The following SCGB2B2 variants were observed in gnomAD, a reference collection of about 807,000 sequenced individuals.
SCGB2B2 encodes the protein secretoglobin-like protein.
A neutral mutation model predicts 7.6 loss-of-function variants in SCGB2B2; 11 were observed. The observed-to-expected ratio is 1.45, with a 90% confidence interval of 0.91 to 2.40. The LOEUF is 2.40. Among genes scored for constraint, SCGB2B2 ranks in the 30% most tolerant of loss-of-function variants. The pLI, the probability that SCGB2B2 is intolerant of heterozygous loss-of-function variation, is 0.00. For missense variants in SCGB2B2, 104 were observed against 115.4 expected (o/e 0.90, Z 0.45); for synonymous variants, 50 against 48.6 (o/e 1.03, Z -0.12).
At chr19:34,657,567 T>C (rs11665997) in intron 1 of SCGB2B2, among the ~76,000 whole-genome samples, 45,575 of 152,020 alleles carry the variant, frequency 0.3, 7,577 homozygotes, top group Non-Finnish European at 0.37. Flanking sequence ...TAAATATATA[T>C]GCACCCAATG....
At chr19:34,654,903 G>A (rs369898883) in intron 1 of SCGB2B2, among the ~76,000 whole-genome samples, 5 of 151,100 alleles carry the variant, frequency 3.3e-5, no homozygotes, top group South Asian at 2.1e-4. Context: ...GCAATGCCAC[G>A]GTCTCCCTGA....
At chr19:34,645,137 G>A (rs1476482288) in intron 1 of SCGB2B2, among the ~76,000 whole-genome samples, 1 of 152,106 alleles carries the variant, frequency 6.6e-6, no homozygotes, top group African/African-American at 2.4e-5. Flanking sequence ...AAATATCTTC[G>A]TGAAGGGACA....
chr19:34,620,012 T>TA (rs968597506), intron 1 of SCGB2B2, among the ~76,000 whole-genome samples: 11 of 151,412 alleles, frequency 7.3e-5, no homozygotes, highest in East Asian at 5.8e-4. Context: ...TATTCTTTTT[T>TA]AAAAAAAAAT....
chr19:34,663,543 C>T (rs932621892), intron 1 of SCGB2B2, among the ~76,000 whole-genome samples: 1 of 152,214 alleles, frequency 6.6e-6, no homozygotes, highest in African/African-American at 2.4e-5. Flanking sequence ...AAACCATCCA[C>T]TAAAATAACA....
intron 1 of SCGB2B2, among the ~76,000 whole-genome samples, chr19:34,668,981 A>T (rs1457752636): frequency 6.6e-6 from 1 of 152,060 alleles, no homozygotes; most frequent in Non-Finnish European, 1.5e-5. Context: ...ACACTGTGGA[A>T]GCTTTGTTCT....
intron 1 of SCGB2B2, among the ~76,000 whole-genome samples, chr19:34,615,978 G>A (rs1416469668): frequency 6.6e-6 from 1 of 151,668 alleles, no homozygotes; most frequent in Non-Finnish European, 1.5e-5. Flanking sequence ...TGAGAATGAT[G>A]ATTTCCAATT....
rs1043941745 is a variant in SCGB2B2, at chr19:34,676,643, G to A, written c.-3045C>T. The A allele has an allele frequency of 1.3e-5, 2 of 152,168 alleles. No individual in the cohort carries two copies. Among genetic ancestry groups the A allele is most frequent in the African/African-American group, 4.8e-5 (2 of 41,422 alleles). The allele number at this position is 152,168 out of a possible 1,614,324, so 9.4% of individuals were successfully genotyped here. A position where few individuals can be genotyped will look rare whatever the true frequency, so the allele number is the denominator to read the frequency against. On this transcript the variant is annotated 5_prime_UTR_variant, in exon 1 of 4. Transcript: ENST00000601241. ...GGATTTTTTCTTGCGTGAGCTCTAAGAACTCTCTCTTGGGGTCGGATCCGG... is the reference window on the plus strand; with the variant it reads ...GGATTTTTTCTTGCGTGAGCTCTAAAAACTCTCTCTTGGGGTCGGATCCGG...
chr19:34,599,025 C>T (rs987970507), intron 1 of SCGB2B2, among the ~76,000 whole-genome samples: 1 of 152,260 alleles, frequency 6.6e-6, no homozygotes, highest in South Asian at 2.1e-4. Context: ...GAATGGCCTG[C>T]CCCCAAATCC....
At chr19:34,640,258 C>A (rs1164227426) in intron 1 of SCGB2B2, among the ~76,000 whole-genome samples, 1 of 152,052 alleles carries the variant, frequency 6.6e-6, no homozygotes, top group Non-Finnish European at 1.5e-5. Context: ...TGCACCAGAC[C>A]TGGCTAATTT....
At chr19:34,604,253 G>T (rs1374915245) in intron 1 of SCGB2B2, among the ~76,000 whole-genome samples, 1 of 152,178 alleles carries the variant, frequency 6.6e-6, no homozygotes, top group Admixed American at 6.5e-5. Flanking sequence ...TGGACAATGG[G>T]ATGTTAGCAG....
intron 1 of SCGB2B2, among the ~76,000 whole-genome samples, chr19:34,628,741 G>C (rs1398132905): frequency 1.3e-5 from 2 of 151,970 alleles, no homozygotes; most frequent in Middle Eastern, 3.2e-3. Flanking sequence ...AATAGAAAAA[G>C]AGGGAATCCT....
chr19:34,611,294 G>GT (rs1293184733), intron 1 of SCGB2B2, among the ~76,000 whole-genome samples: 1 of 151,820 alleles, frequency 6.6e-6, no homozygotes, highest in Non-Finnish European at 1.5e-5. Context: ...TTGATCTCCT[G>GT]TTTTTTAGTC....
chr19:34,654,322 C>T (rs1005944360), intron 1 of SCGB2B2, among the ~76,000 whole-genome samples: 7 of 150,980 alleles, frequency 4.6e-5, no homozygotes, highest in South Asian at 2.1e-4. Flanking sequence ...AGCTCAACTT[C>T]CCCAAAACTC....
At chr19:34,598,254 A>G (rs1444998997) in intron 1 of SCGB2B2, among the ~76,000 whole-genome samples, 1 of 152,114 alleles carries the variant, frequency 6.6e-6, no homozygotes, top group Non-Finnish European at 1.5e-5. Flanking sequence ...GGCACAGCAG[A>G]GCAGTGTGCG....
chr19:34,670,048 A>G (rs143788745), intron 1 of SCGB2B2, among the ~76,000 whole-genome samples: 2,484 of 152,192 alleles, frequency 0.016, 41 homozygotes, highest in South Asian at 0.084. Flanking sequence ...GTACCTGGTC[A>G]TGGGGTGCTT....
At chr19:34,586,705 G>A (rs1290831193), downstream of SCGB2B2, among the ~76,000 whole-genome samples, 1 of 152,050 alleles carries the variant, frequency 6.6e-6, no homozygotes, top group African/African-American at 2.4e-5. Flanking sequence ...GTTTTGTATT[G>A]ATGTCTGGAA....
chr19:34,630,128 A>C (rs1021660018), intron 1 of SCGB2B2, among the ~76,000 whole-genome samples: 1 of 151,872 alleles, frequency 6.6e-6, no homozygotes, highest in African/African-American at 2.4e-5. Flanking sequence ...TGGATTAAAG[A>C]CTTAAACCTT....
At chr19:34,603,308 T>C (rs1180675700) in intron 1 of SCGB2B2, among the ~76,000 whole-genome samples, 1 of 152,236 alleles carries the variant, frequency 6.6e-6, no homozygotes, top group Non-Finnish European at 1.5e-5. Flanking sequence ...TTAATGTGCA[T>C]GAGGCTCACC....
chr19:34,645,210 G>A (rs1437021046), intron 1 of SCGB2B2, among the ~76,000 whole-genome samples: 7 of 152,140 alleles, frequency 4.6e-5, no homozygotes, highest in Non-Finnish European at 1.0e-4. Context: ...GCCTGGACTC[G>A]GTGGCAGATT....
Sources: gnomAD v4.1 joint callset for allele counts (sites outside exome capture counted in the v4.1 genomes callset) on GRCh38, gnomAD v4.1.1 for gene constraint, MANE v1.5 for transcripts, NCBI Gene and HGNC (gene_info 2026-07-23, HGNC 2026-07-21) for gene names.